The following PAK1 variants were observed in gnomAD, a reference collection of about 807,000 sequenced individuals.
PAK1 encodes the protein serine/threonine-protein kinase PAK 1.
Under a neutral mutation model 67.4 loss-of-function variants are expected in PAK1, and 29 were observed. The observed-to-expected ratio is 0.43, with a 90% CI of 0.32 to 0.59. The LOEUF (loss-of-function observed/expected upper bound fraction) is 0.59. Ranked by LOEUF, PAK1 falls within the 20% of genes least tolerant of loss-of-function variation. PAK1 has a pLI of 0.07. For missense variants in PAK1, 337 were observed against 670.7 expected (o/e 0.50, Z 5.50); for synonymous variants, 223 against 237.4 (o/e 0.94, Z 0.56).
chr11:77,329,604 C>A (rs1406740413), intron 14 of PAK1, among the ~76,000 whole-genome samples: 1 of 152,048 alleles, frequency 6.6e-6, no homozygotes, highest in Non-Finnish European at 1.5e-5. Flanking sequence ...TAAACACTCT[C>A]AATAAATTAG....
chr11:77,337,480 A>G, intron 11 of PAK1, 57 bp from the exon 12 acceptor site: 1 of 851,690 alleles, frequency 1.2e-6, no homozygotes, highest in Non-Finnish European at 1.9e-6. Flanking sequence ...AATACAGAAG[A>G]CTTAATAGAA....
chr11:77,322,120 C>G lies in PAK1; in HGVS notation c.*1154G>C, dbSNP rs1179524318. 4 of 217,708 alleles carry G rather than the reference C, an allele frequency of 1.8e-5. No homozygotes were observed. Among genetic ancestry groups the G allele is most frequent in the Non-Finnish European group, 3.7e-5 (4 of 107,884 alleles). 13.5% of individuals were successfully genotyped at this position (217,708 alleles called of 1,614,324 possible). On this transcript the variant is annotated 3_prime_UTR_variant, in exon 15 of 15. Coordinates refer to ENST00000356341, the MANE Select transcript of PAK1 (RefSeq NM_002576.5). ...TAGTCAATGGGGCTGACATGACAAG[C>G]CACAATGCTGGCCAGGGGTCCTACC...
the PAK1 span, among the ~76,000 whole-genome samples, chr11:77,506,036 T>C: frequency 2.0e-5 from 3 of 152,046 alleles, no homozygotes; most frequent in Non-Finnish European, 1.5e-5. Context: ...CTGCAGCCAG[T>C]CCAGCAGGGC....
At chr11:77,364,371 G>T (rs1033193150) in intron 5 of PAK1, among the ~76,000 whole-genome samples, 3 of 152,162 alleles carry the variant, frequency 2.0e-5, no homozygotes, top group Non-Finnish European at 4.4e-5. Context: ...ATTGGCTAAA[G>T]ATTCAGCTAA....
chr11:77,404,923 A>C (rs1171411199), intron 1 of PAK1, among the ~76,000 whole-genome samples: 4 of 152,238 alleles, frequency 2.6e-5, no homozygotes. Context: ...TAAGAGATGC[A>C]GACAGAGAAA....
intron 13 of PAK1, among the ~76,000 whole-genome samples, chr11:77,335,240 A>G (rs1311486350): frequency 6.6e-6 from 1 of 152,182 alleles, no homozygotes; most frequent in Non-Finnish European, 1.5e-5. Context: ...TACCTACTAT[A>G]TATACCAACT....
In PAK1 at chr11:77,336,085, C is replaced by A; in HGVS notation, c.1413+1G>T. 1 of 1,580,658 alleles carries A rather than the reference C, an allele frequency of 6.3e-7. No homozygotes were observed. ...CTTGAAATAGAACTGGTAACACTCA[C>A]TCTCAGAGGGTTTTCATTGAGGTAT... On this transcript the variant is annotated splice_donor_variant, in intron 13 of 14. Transcript: ENST00000356341. LOFTEE classifies it high-confidence loss of function.
At chr11:77,465,000 GTGTGTGTGTGTGTC>G (rs1420449098) in intron 1 of PAK1, among the ~76,000 whole-genome samples, 2 of 147,696 alleles carry the variant, frequency 1.4e-5, no homozygotes, top group African/African-American at 4.9e-5. Context: ...GTGTGTGTGT[GTGTGTGTGTGTGTC>G]TGTGTGTGTG....
At chr11:77,447,984 C>G (rs1956691775) in intron 1 of PAK1, among the ~76,000 whole-genome samples, 1 of 152,196 alleles carries the variant, frequency 6.6e-6, no homozygotes, top group Non-Finnish European at 1.5e-5. Flanking sequence ...TAGTCCATCA[C>G]TGCATTAAAC....
At chr11:77,326,082 G>A (rs1939755290) in intron 14 of PAK1, among the ~76,000 whole-genome samples, 1 of 152,298 alleles carries the variant, frequency 6.6e-6, no homozygotes, top group South Asian at 2.1e-4. Context: ...CCTTCATAAA[G>A]TTGCATGTGA....
intron 11 of PAK1, among the ~76,000 whole-genome samples, chr11:77,340,198 T>C (rs1250833831): frequency 1.3e-5 from 2 of 152,154 alleles, no homozygotes; most frequent in African/African-American, 4.8e-5. Flanking sequence ...TAGCAAAACC[T>C]TCCCTGACTG....
At chr11:77,446,511 C>CAAGA (rs749948909) in intron 1 of PAK1, among the ~76,000 whole-genome samples, 1 of 60,680 alleles carries the variant, frequency 1.6e-5, no homozygotes, top group Non-Finnish European at 3.5e-5. Flanking sequence ...GACCCTGTCT[C>CAAGA]AAAAAAAAAA....
At chr11:77,426,222 C>T (rs946530734) in intron 1 of PAK1, among the ~76,000 whole-genome samples, 17 of 151,418 alleles carry the variant, frequency 1.1e-4, no homozygotes, top group Admixed American at 8.6e-4. Context: ...CCTTATTTGA[C>T]AAATGGGAAC....
chr11:77,358,968 T>C lies in PAK1; in HGVS notation c.527A>G (p.Asp176Gly). 1 of 1,613,470 alleles carries C rather than the reference T, an allele frequency of 6.2e-7. No individual in the cohort carries two copies. The highest frequency in any genetic ancestry group is 8.5e-7 in the Non-Finnish European group (1 of 1,179,550). The part of the protein sequence containing the change: ...ETPAVPPVSE[D>G]EDDDDDDATP... ...AGCATCATCATCATCATCATCCTCA[T>C]CTTCTGAAACTGGTGGCACTGCAGG... The change falls in exon 6 of 15, where the codon GAT becomes GGT. Residue 176 changes from aspartate to glycine, a missense_variant. Asp to Gly is a moderately conservative substitution (Grantham distance 94). Coordinates refer to ENST00000356341, the MANE Select transcript of PAK1 (RefSeq NM_002576.5).
chr11:77,500,687 C>CA, the PAK1 span, among the ~76,000 whole-genome samples: 21 of 151,264 alleles, frequency 1.4e-4, 1 homozygote, highest in South Asian at 4.0e-3. Context: ...TCCACACACA[C>CA]AAAAAAATTA....
chr11:77,440,286 G>C (rs977858858), intron 1 of PAK1, among the ~76,000 whole-genome samples: 4 of 152,082 alleles, frequency 2.6e-5, no homozygotes, highest in African/African-American at 9.7e-5. Context: ...TATAATCCTA[G>C]CTACTGAGGA....
chr11:77,428,990 C>T (rs1955710094), intron 1 of PAK1, among the ~76,000 whole-genome samples: 1 of 139,520 alleles, frequency 7.2e-6, no homozygotes, highest in African/African-American at 2.7e-5. Flanking sequence ...CTGGGAGCAG[C>T]AATGGTCCAA....
At chr11:77,419,397 G>C (rs1955138671) in intron 1 of PAK1, among the ~76,000 whole-genome samples, 1 of 152,144 alleles carries the variant, frequency 6.6e-6, no homozygotes, top group African/African-American at 2.4e-5. Context: ...ATAAGTCATG[G>C]ACCTTGGCCA....
At chr11:77,427,568 G>A (rs1955616618) in intron 1 of PAK1, among the ~76,000 whole-genome samples, 1 of 152,130 alleles carries the variant, frequency 6.6e-6, no homozygotes, top group African/African-American at 2.4e-5. Flanking sequence ...GAAAGCAACA[G>A]ATTCACTGCT....
Sources: gnomAD v4.1 joint callset for allele counts (sites outside exome capture counted in the v4.1 genomes callset) on GRCh38, gnomAD v4.1.1 for gene constraint, MANE v1.5 for transcripts, NCBI Gene and HGNC (gene_info 2026-07-23, HGNC 2026-07-21) for gene names.